CUX1: variants seen among roughly 807,000 people sequenced by gnomAD.
The protein encoded by CUX1 is cut like homeobox 1.
Under a neutral mutation model 158.8 loss-of-function variants are expected in CUX1, and 31 were observed. The observed-to-expected ratio is 0.20, with a 90% confidence interval of 0.15 to 0.26. The LOEUF (loss-of-function observed/expected upper bound fraction) is 0.26. CUX1 is among the 10% of genes least tolerant of loss of function. The probability of loss-of-function intolerance (pLI) is 1.00; values close to 1 mark genes in which losing one functional copy is unlikely to be tolerated. For synonymous variants in CUX1, 879 were observed against 862.1 expected, an observed-to-expected ratio of 1.02 and a Z score of -0.34; for missense variants, 1,589 against 2,014.6, an observed-to-expected ratio of 0.79 and a Z score of 4.04.
At chr7:102,117,699 G>C (rs1222273572) in intron 8 of CUX1, among the ~76,000 whole-genome samples, 1 of 152,178 alleles carries the variant, frequency 6.6e-6, no homozygotes, top group Non-Finnish European at 1.5e-5. Context: ...AAGAATTGTC[G>C]AGGAAGCCTT....
At chr7:102,200,801 G>A (rs1795330178) in intron 17 of CUX1, among the ~76,000 whole-genome samples, 1 of 151,930 alleles carries the variant, frequency 6.6e-6, no homozygotes, top group African/African-American at 2.4e-5. Context: ...AAGCTGATGG[G>A]GGAGGATGAC....
chr7:102,283,465 G>A (rs1792270587), exon 23 of CUX1: 2 of 262,622 alleles, frequency 7.6e-6, no homozygotes, highest in Non-Finnish European at 1.5e-5. Context: ...GGGCCTGTCT[G>A]CACTGCGATC....
At chr7:101,977,636 G>A (rs926790297) in intron 2 of CUX1, among the ~76,000 whole-genome samples, 1 of 151,966 alleles carries the variant, frequency 6.6e-6, no homozygotes, top group Non-Finnish European at 1.5e-5. Flanking sequence ...GAGTGAAACC[G>A]TGGCTCAAAA....
In CUX1 at chr7:102,044,125, C is replaced by G. The variant is rs61601535; in HGVS notation, c.189+15980C>G. 1.1e-3 allele frequency among the ~76,000 whole-genome samples: 167 copies of G among 151,800 alleles called. 1 individual carries two copies. The highest frequency in any genetic ancestry group is 4.0e-3 in the African/African-American group (164 of 41,410). On this transcript the variant is annotated intron_variant, in intron 3 of 23. Transcript: ENST00000292535. ...TGGCCTCCCAAAGTTTTTGGGATTA[C>G]GTGAGCCACTGCGCCAGGCCTTATG... is the stretch of plus-strand genomic sequence containing the variant.
rs142821880 is a variant in CUX1, at chr7:102,111,212, A to T, written c.531-486A>T. 5.3e-4 allele frequency among the ~76,000 whole-genome samples: 81 copies of T among 152,270 alleles called. No homozygotes were observed. In the East Asian group the frequency reaches 0.014, roughly 27 times the overall value. ...GTGGAATGCAGTTGCGAGCATTCAC[A>T]ATGTCCCCATTAGGTATTGCAGTTG... On this transcript the variant is annotated intron_variant, in intron 6 of 23. Transcript: ENST00000292535.
intron 23 of CUX1, among the ~76,000 whole-genome samples, chr7:102,246,860 A>T (rs1405609621): frequency 6.6e-6 from 1 of 152,212 alleles, no homozygotes; most frequent in Non-Finnish European, 1.5e-5. Context: ...GTGAGCTACC[A>T]TGCCCAGCCT....
At chr7:101,851,434 C>T (rs975750405) in intron 1 of CUX1, among the ~76,000 whole-genome samples, 1 of 152,070 alleles carries the variant, frequency 6.6e-6, no homozygotes, top group African/African-American at 2.4e-5. Context: ...GACTCGTGTA[C>T]GCCATGGCTT....
Position 102,104,331 on chromosome 7 carries a change from TGC to T in CUX1, c.407-4_407-3del. 6.2e-7 allele frequency: 1 copy of T among 1,600,416 alleles called. No individual in the cohort carries two copies. Among genetic ancestry groups the T allele is most frequent in the Admixed American group, 1.7e-5 (1 of 59,126 alleles). Reference sequence around the variant, plus strand: ...ACTGTAGGTTTTTTTTTTTCTTTTCTGCAGAGGTTACGATAAAAGCACTTAAA... The same window carrying T: ...ACTGTAGGTTTTTTTTTTTCTTTTCTAGAGGTTACGATAAAAGCACTTAAA... On this transcript the variant is annotated splice_polypyrimidine_tract_variant and splice_region_variant and intron_variant, in intron 5 of 23. Transcript: ENST00000292535.
intron 3 of CUX1, among the ~76,000 whole-genome samples, chr7:102,062,640 G>T (rs541868846): frequency 6.6e-6 from 1 of 152,214 alleles, no homozygotes; most frequent in East Asian, 1.9e-4. Flanking sequence ...TGGGACCACA[G>T]GCATACACCA....
chr7:101,848,819 C>T (rs1008064590), intron 1 of CUX1, among the ~76,000 whole-genome samples: 13 of 151,248 alleles, frequency 8.6e-5, no homozygotes, highest in African/African-American at 2.7e-4. Context: ...AAGACCCAGC[C>T]TGGGCAACAT....
intron 1 of CUX1, among the ~76,000 whole-genome samples, chr7:101,856,959 T>G (rs539752468): frequency 3.3e-5 from 5 of 152,334 alleles, no homozygotes; most frequent in African/African-American, 1.2e-4. Flanking sequence ...CTGCTCAAGC[T>G]GTGCCTCCTC....
chr7:102,082,170 G>A (rs1183605704), intron 4 of CUX1, among the ~76,000 whole-genome samples: 2 of 147,010 alleles, frequency 1.4e-5, no homozygotes, highest in African/African-American at 4.9e-5. Context: ...TTGCACAGCA[G>A]GCAGACGGGT....
chr7:102,253,108 C>T lies in CUX1; in HGVS notation c.*4066C>T, dbSNP rs1801694336. 6.1e-6 allele frequency: 6 copies of T among 985,526 alleles called. No homozygotes were observed. The highest frequency in any genetic ancestry group is 7.2e-6 in the Non-Finnish European group (6 of 829,978). 61.0% of individuals were successfully genotyped at this position (985,526 alleles called of 1,614,324 possible). Reference sequence around the variant, plus strand: ...TCCAAAGTACAAATACCTCCCTGCTCAGTTTCCTTCCTGTCGCCATCTTTG... The same window carrying T: ...TCCAAAGTACAAATACCTCCCTGCTTAGTTTCCTTCCTGTCGCCATCTTTG... On this transcript the variant is annotated 3_prime_UTR_variant, in exon 24 of 24. Coordinates refer to ENST00000292535, the MANE Select transcript of CUX1 (RefSeq NM_181552.4).
chr7:101,817,634 A>AG lies in CUX1; in HGVS notation c.-4dup. The AG allele has an allele frequency of 6.4e-7, 1 of 1,550,826 alleles. No homozygotes were observed. The highest frequency in any genetic ancestry group is 2.4e-5 in the East Asian group (1 of 41,002). ...GCCGGGACAGCCCCGGGACTCTGCC[A>AG]GGTGGATGTTGTGCGTAGCCGGAGC... On this transcript the variant is annotated 5_prime_UTR_variant, in exon 1 of 24. Coordinates refer to ENST00000292535, the MANE Select transcript of CUX1 (RefSeq NM_181552.4). This position sits in a 1 kb window ranked among gnomAD's most constrained non-coding sequence, Gnocchi z 4.1.
At chr7:102,055,385 A>G (rs1222247532) in intron 3 of CUX1, among the ~76,000 whole-genome samples, 5 of 152,182 alleles carry the variant, frequency 3.3e-5, no homozygotes, top group African/African-American at 1.2e-4. Context: ...GTGTGTCAGC[A>G]TTATTTTTCC....
Position 102,252,664 on chromosome 7 carries a change from G to T in CUX1, c.*3622G>T, listed in dbSNP as rs1801640545. ...TCCCTTGTGATAGCCGAGATGGCAG[G>T]TGTGTGAGTTCTGTCCTAGACCTGT... On this transcript the variant is annotated 3_prime_UTR_variant, in exon 24 of 24. Coordinates refer to ENST00000292535, the MANE Select transcript of CUX1 (RefSeq NM_181552.4). 1.0e-6 allele frequency: 1 copy of T among 985,430 alleles called. No individual in the cohort carries two copies. The highest frequency in any genetic ancestry group is 1.7e-5 in the African/African-American group (1 of 57,348). 61.0% of individuals were successfully genotyped at this position (985,430 alleles called of 1,614,324 possible). A position where few individuals can be genotyped will look rare whatever the true frequency, so the allele number is the denominator to read the frequency against.
At chr7:102,244,168 T>A (rs931005624) in intron 23 of CUX1, among the ~76,000 whole-genome samples, 4 of 152,144 alleles carry the variant, frequency 2.6e-5, no homozygotes, top group African/African-American at 9.6e-5. Flanking sequence ...CCTGCCGTTA[T>A]ACCCGACAGA....
At chr7:102,049,194 C>T (rs917837539) in intron 3 of CUX1, among the ~76,000 whole-genome samples, 44 of 152,220 alleles carry the variant, frequency 2.9e-4, no homozygotes, top group African/African-American at 1.1e-3. Context: ...AATAGAGACT[C>T]ACTCGGAGAA....
intron 20 of CUX1, among the ~76,000 whole-genome samples, chr7:102,219,952 G>T (rs1797642519): frequency 6.6e-6 from 1 of 152,246 alleles, no homozygotes; most frequent in African/African-American, 2.4e-5. Flanking sequence ...GAGGAGCCCA[G>T]CGTCGCTGCC....
Sources: allele counts gnomAD v4.1 joint callset (sites outside exome capture counted in the v4.1 genomes callset), GRCh38; gene constraint gnomAD v4.1.1; non-coding constraint Gnocchi (gnomAD v3.1); transcripts MANE v1.5; gene names NCBI Gene and HGNC (gene_info 2026-07-23, HGNC 2026-07-21).